CACNA2D3: variants seen among roughly 807,000 people sequenced by gnomAD.
The protein encoded by CACNA2D3 is voltage-dependent calcium channel subunit alpha-2/delta-3.
In CACNA2D3, 60 loss-of-function variants were observed where a neutral mutation model predicts 160.6. The ratio of observed to expected loss-of-function variants is 0.37; its 90% CI spans 0.30 to 0.46. The LOEUF (loss-of-function observed/expected upper bound fraction) is 0.46. Ranked by LOEUF, CACNA2D3 falls within the 20% of genes least tolerant of loss-of-function variation. The probability of loss-of-function intolerance (pLI) is 1.00; values close to 1 mark genes in which losing one functional copy is unlikely to be tolerated. For synonymous variants in CACNA2D3, 558 were observed against 492.9 expected (o/e 1.13, Z -1.75); for missense variants, 1,205 against 1,365.0 (o/e 0.88, Z 1.85).
At chr3:54,725,011 G>C (rs928059025) in intron 11 of CACNA2D3, among the ~76,000 whole-genome samples, 1 of 152,072 alleles carries the variant, frequency 6.6e-6, no homozygotes, top group African/African-American at 2.4e-5. Context: ...AAAATAGATA[G>C]ACTCCTAGCC....
rs1559462034 is a variant in CACNA2D3, at chr3:54,366,681, G to C, written c.322-20034G>C. ...AAACCAGCAGAGAAATCTTTGAGAAGGGCCTATGCATTTCACTTTGGAAAT... is the reference window on the plus strand; with the variant it reads ...AAACCAGCAGAGAAATCTTTGAGAACGGCCTATGCATTTCACTTTGGAAAT... On this transcript the variant is annotated intron_variant, in intron 3 of 37. Coordinates refer to ENST00000474759, the MANE Select transcript of CACNA2D3 (RefSeq NM_018398.3). Among the ~76,000 whole-genome samples the C allele has an allele frequency of 2.0e-5, 3 of 152,164 alleles. No individual in the cohort carries two copies. The South Asian group carries it at 6.2e-4, about 32-fold the overall frequency.
At chr3:54,809,307 C>CTTTT (rs1417063441) in intron 13 of CACNA2D3, among the ~76,000 whole-genome samples, 10 of 86,244 alleles carry the variant, frequency 1.2e-4, no homozygotes, top group Non-Finnish European at 1.2e-4. Flanking sequence ...TTCCTTCCTT[C>CTTTT]TTTCTTTTTT....
At chr3:54,405,961 C>G (rs571785887) in intron 4 of CACNA2D3, among the ~76,000 whole-genome samples, 5 of 151,998 alleles carry the variant, frequency 3.3e-5, no homozygotes. Context: ...CTCAGCATCA[C>G]TAATCATCAG....
chr3:54,976,107 T>C (rs1206534515), intron 29 of CACNA2D3, among the ~76,000 whole-genome samples: 1 of 150,428 alleles, frequency 6.6e-6, no homozygotes, highest in Non-Finnish European at 1.5e-5. Flanking sequence ...TATAAAGGGA[T>C]TGCTTTTTTC....
At chr3:54,168,003 G>T (rs1188607440) in intron 2 of CACNA2D3, among the ~76,000 whole-genome samples, 2 of 152,114 alleles carry the variant, frequency 1.3e-5, no homozygotes, top group Non-Finnish European at 2.9e-5. Flanking sequence ...TCAGTCCACT[G>T]TCTTCTCATT....
At chr3:54,993,678 T>C (rs936353883) in intron 31 of CACNA2D3, among the ~76,000 whole-genome samples, 5 of 152,052 alleles carry the variant, frequency 3.3e-5, no homozygotes, top group Admixed American at 1.3e-4. Flanking sequence ...ATACTTGTGA[T>C]TTCTGGAAAG....
At chr3:54,281,905 C>G (rs1702889334) in intron 2 of CACNA2D3, among the ~76,000 whole-genome samples, 1 of 152,134 alleles carries the variant, frequency 6.6e-6, no homozygotes, top group African/African-American at 2.4e-5. Context: ...GCAGATAGCA[C>G]AGAGTGGAGG....
At chr3:54,918,961 G>T in intron 27 of CACNA2D3, 2 of 1,309,010 alleles carry the variant, frequency 1.5e-6, no homozygotes, top group Non-Finnish European at 2.0e-6. Context: ...TCCTCTGCCT[G>T]CAAAAACTTA....
intron 14 of CACNA2D3, among the ~76,000 whole-genome samples, chr3:54,817,381 C>G (rs1418578193): frequency 3.3e-5 from 5 of 152,160 alleles, no homozygotes; most frequent in Admixed American, 3.3e-4. Context: ...TGCCAATGGC[C>G]AGACCCTTTC....
intron 4 of CACNA2D3, among the ~76,000 whole-genome samples, chr3:54,439,166 A>G (rs1028268091): frequency 6.6e-6 from 1 of 152,170 alleles, no homozygotes; most frequent in African/African-American, 2.4e-5. Context: ...CCCACCTCCC[A>G]TCTTCGGGTT....
intron 9 of CACNA2D3, among the ~76,000 whole-genome samples, chr3:54,588,737 T>C (rs1702807711): frequency 6.6e-6 from 1 of 151,528 alleles, no homozygotes. Context: ...TAACAAAACA[T>C]GTGTATATAG....
At chr3:54,636,388 A>G (rs1233584476) in intron 10 of CACNA2D3, among the ~76,000 whole-genome samples, 1 of 151,996 alleles carries the variant, frequency 6.6e-6, no homozygotes, top group African/African-American at 2.4e-5. Context: ...CCGGGCCAGG[A>G]ACAATGGTAA....
At chr3:54,781,692 T>A (rs1187025820) in intron 13 of CACNA2D3, among the ~76,000 whole-genome samples, 3 of 152,232 alleles carry the variant, frequency 2.0e-5, no homozygotes, top group Non-Finnish European at 4.4e-5. Context: ...CTCCAACATT[T>A]AGCAGTGAGG....
intron 24 of CACNA2D3, among the ~76,000 whole-genome samples, chr3:54,889,209 T>A (rs1015811370): frequency 1.3e-5 from 2 of 152,018 alleles, no homozygotes; most frequent in Admixed American, 6.5e-5. Flanking sequence ...GGGAGTCAGG[T>A]TAAGGATTTT....
intron 11 of CACNA2D3, among the ~76,000 whole-genome samples, chr3:54,735,883 A>T (rs1701487855): frequency 2.0e-5 from 3 of 148,124 alleles, no homozygotes; most frequent in Non-Finnish European, 4.5e-5. Context: ...AAAAAAATAG[A>T]TACTGGGAAA....
intron 2 of CACNA2D3, among the ~76,000 whole-genome samples, chr3:54,136,637 G>T (rs987959760): frequency 6.6e-6 from 1 of 152,182 alleles, no homozygotes; most frequent in African/African-American, 2.4e-5. Context: ...GCACACATCC[G>T]GCTGTGTCAC....
intron 11 of CACNA2D3, among the ~76,000 whole-genome samples, chr3:54,698,499 C>A (rs1231549659): frequency 6.6e-6 from 1 of 152,170 alleles, no homozygotes; most frequent in Non-Finnish European, 1.5e-5. Context: ...ATATTCTGCT[C>A]TGAATGATCT....
chr3:54,824,501 G>A (rs1298310673), intron 14 of CACNA2D3, among the ~76,000 whole-genome samples: 1 of 152,184 alleles, frequency 6.6e-6, no homozygotes, highest in Non-Finnish European at 1.5e-5. Flanking sequence ...CTCTGGTATT[G>A]CATTCATCAT....
intron 4 of CACNA2D3, among the ~76,000 whole-genome samples, chr3:54,440,850 T>C (rs1575456152): frequency 6.6e-6 from 1 of 152,206 alleles, no homozygotes; most frequent in African/African-American, 2.4e-5. Flanking sequence ...CATTCCATGG[T>C]GTATATGTGC....
Sources: allele counts gnomAD v4.1 joint callset (sites outside exome capture counted in the v4.1 genomes callset), GRCh38; gene constraint gnomAD v4.1.1; transcripts MANE v1.5; gene names NCBI Gene and HGNC (gene_info 2026-07-23, HGNC 2026-07-21).